The following NEBL variants were observed in gnomAD, a reference collection of about 807,000 sequenced individuals.
The protein encoded by NEBL is LIM and SH3 protein 2.
Under a neutral mutation model 140.2 loss-of-function variants are expected in NEBL, and 122 were observed. That is an observed-to-expected ratio of 0.87 (90% CI 0.75 to 1.01). NEBL has a LOEUF of 1.01. Among genes scored for constraint, NEBL ranks in the 50% least tolerant of loss-of-function variants. The pLI, the probability that NEBL is intolerant of heterozygous loss-of-function variation, is 0.00. For missense variants in NEBL, 1,365 were observed against 1,231.3 expected (o/e 1.11, Z -1.62); for synonymous variants, 436 against 398.9 (o/e 1.09, Z -1.11).
intron 4 of NEBL, among the ~76,000 whole-genome samples, chr10:20,925,838 G>C (rs1564446257): frequency 6.6e-6 from 1 of 152,096 alleles, no homozygotes; most frequent in Admixed American, 6.5e-5. Flanking sequence ...ACGACATTTT[G>C]GGCAGTTTTT....
At chr10:20,921,506 C>G (rs558025670) in intron 4 of NEBL, among the ~76,000 whole-genome samples, 1 of 152,132 alleles carries the variant, frequency 6.6e-6, no homozygotes. Flanking sequence ...CTGCCAATAG[C>G]CTCATCCTCA....
chr10:21,040,908 T>C (rs1229418228), intron 2 of NEBL, among the ~76,000 whole-genome samples: 1 of 152,104 alleles, frequency 6.6e-6, no homozygotes, highest in African/African-American at 2.4e-5. Context: ...TGTCCCTGCC[T>C]CCTCTTCACT....
chr10:20,808,576 C>G lies in NEBL; in HGVS notation c.2695G>C (p.Glu899Gln). ...AAGCTAGGGTAAATCTCGGAGATTT[C>G]TGACCTGTCGTCTCCGAGACCTGTA... ...FGTGLGDDRS[E>Q]ISEIYPSFSC... The change falls in exon 26 of 28, where the codon GAA (glutamate) becomes CAA (glutamine). Residue 899 changes from glutamate (E) to glutamine (Q), a missense_variant. Physicochemically the swap from Glu to Gln is conservative, Grantham distance 29. This residue lies in a region of NEBL where 1,323 missense variants were observed against 1,154.8 expected (regional missense o/e 1.15). Coordinates refer to ENST00000377122, the MANE Select transcript of NEBL (RefSeq NM_006393.3). The G allele has an allele frequency of 2.5e-6, 4 of 1,613,978 alleles. No homozygotes were observed. The highest frequency in any genetic ancestry group is 3.4e-6 in the Non-Finnish European group (4 of 1,179,894).
At chr10:20,930,666 C>T (rs188955670) in intron 4 of NEBL, among the ~76,000 whole-genome samples, 6 of 152,220 alleles carry the variant, frequency 3.9e-5, no homozygotes, top group Admixed American at 1.3e-4. Context: ...AGAACTTTCC[C>T]ACTTGCTACC....
chr10:21,265,563 G>A (rs1400376074), intron 1 of NEBL, among the ~76,000 whole-genome samples: 3 of 152,126 alleles, frequency 2.0e-5, no homozygotes, highest in Non-Finnish European at 4.4e-5. Flanking sequence ...AATAATTCAA[G>A]GGCACATAGT....
intron 18 of NEBL, among the ~76,000 whole-genome samples, chr10:20,825,216 A>C (rs957599521): frequency 1.3e-5 from 2 of 152,224 alleles, no homozygotes; most frequent in African/African-American, 4.8e-5. Flanking sequence ...TGGATGCTGC[A>C]TAATGACCAA....
intron 4 of NEBL, among the ~76,000 whole-genome samples, chr10:20,954,263 C>G (rs1346338761): frequency 6.6e-6 from 1 of 152,142 alleles, no homozygotes; most frequent in Non-Finnish European, 1.5e-5. Flanking sequence ...ATGAAATTCA[C>G]ACAAGGCCAG....
chr10:21,268,937 G>A (rs1169641342), intron 1 of NEBL, among the ~76,000 whole-genome samples: 1 of 152,072 alleles, frequency 6.6e-6, no homozygotes, highest in African/African-American at 2.4e-5. Context: ...ATCCAGAGCA[G>A]TGTGTATAAT....
chr10:20,840,250 T>G (rs1018791576), intron 13 of NEBL, among the ~76,000 whole-genome samples: 1 of 152,130 alleles, frequency 6.6e-6, no homozygotes, highest in African/African-American at 2.4e-5. Flanking sequence ...ATTACAGGAC[T>G]GAAAACACTT....
At chr10:21,219,308 G>T (rs984448927) in intron 3 of NEBL, among the ~76,000 whole-genome samples, 1 of 152,226 alleles carries the variant, frequency 6.6e-6, no homozygotes, top group Admixed American at 6.5e-5. Context: ...AGTCAGGACT[G>T]ACTTAAAGCC....
chr10:21,210,793 C>G (rs1841902648), intron 3 of NEBL, among the ~76,000 whole-genome samples: 1 of 152,186 alleles, frequency 6.6e-6, no homozygotes, highest in Admixed American at 6.5e-5. Flanking sequence ...ATATCATATT[C>G]TATTCTCAAC....
At chr10:20,970,738 T>C (rs1374158652) in intron 3 of NEBL, among the ~76,000 whole-genome samples, 1 of 152,174 alleles carries the variant, frequency 6.6e-6, no homozygotes, top group Admixed American at 6.5e-5. Context: ...TTAGCAGGTA[T>C]GCACGTTAAG....
intron 2 of NEBL, among the ~76,000 whole-genome samples, chr10:21,035,096 C>G (rs565562504): frequency 1.3e-5 from 2 of 151,946 alleles, no homozygotes; most frequent in Admixed American, 1.3e-4. Flanking sequence ...CCTGCCAGGC[C>G]CAAGTGATTA....
At chr10:21,053,406 A>T (rs1346193873) in intron 2 of NEBL, among the ~76,000 whole-genome samples, 1 of 152,220 alleles carries the variant, frequency 6.6e-6, no homozygotes, top group Non-Finnish European at 1.5e-5. Context: ...AGAGTCTGAA[A>T]GGAAACAGGC....
At chr10:21,008,061 T>C (rs755386060) in intron 3 of NEBL, among the ~76,000 whole-genome samples, 2 of 152,212 alleles carry the variant, frequency 1.3e-5, no homozygotes, top group Non-Finnish European at 2.9e-5. Context: ...GTTTTCTTGG[T>C]CTTTCAGGTT....
rs1273960529 is a variant in NEBL, at chr10:20,828,692, G to A, written c.1672-58C>T. ...ACTATGTGTGTGCGCACATGTGAGA[G>A]GGAGGGAGGGAGGCAGGAAAGGAGG... is the stretch of plus-strand genomic sequence containing the variant. On this transcript the variant is annotated intron_variant, in intron 16 of 27. Transcript: ENST00000377122. 4 of 1,088,438 alleles carry A rather than the reference G, an allele frequency of 3.7e-6. No individual in the cohort carries two copies. The African/African-American group carries it at 4.7e-5, about 13-fold the overall frequency. 67.4% of individuals were successfully genotyped at this position (1,088,438 alleles called of 1,614,324 possible).
chr10:21,126,624 C>T (rs775286287), intron 2 of NEBL, among the ~76,000 whole-genome samples: 3 of 151,910 alleles, frequency 2.0e-5, no homozygotes, highest in Non-Finnish European at 4.4e-5. Context: ...AACTGCTGCC[C>T]AAAAGTTAAT....
chr10:21,219,705 T>C (rs991842811), intron 3 of NEBL, among the ~76,000 whole-genome samples: 3 of 152,206 alleles, frequency 2.0e-5, no homozygotes, highest in African/African-American at 7.2e-5. Context: ...ATATTAATTC[T>C]GCCAATTCAT....
intron 2 of NEBL, among the ~76,000 whole-genome samples, chr10:21,089,847 C>CA (rs11400101): frequency 0.52 from 78,555 of 152,024 alleles, 24,503 homozygotes; most frequent in African/African-American, 0.87. Context: ...ATGGGTTTTC[C>CA]AAAAACATGT....
Sources: allele counts gnomAD v4.1 joint callset (sites outside exome capture counted in the v4.1 genomes callset), GRCh38; gene constraint gnomAD v4.1.1; regional missense constraint gnomAD v4.1.1; transcripts MANE v1.5; gene names NCBI Gene and HGNC (gene_info 2026-07-23, HGNC 2026-07-21).